The following NELL1 variants were observed in gnomAD, a reference collection of about 807,000 sequenced individuals.
NELL1 encodes protein kinase C-binding protein NELL1.
In NELL1, 76 loss-of-function variants were observed where a neutral mutation model predicts 107.4. The observed-to-expected ratio is 0.71, with a 90% CI of 0.59 to 0.86. NELL1 has a LOEUF of 0.86. NELL1 is among the 40% of genes least tolerant of loss of function. The pLI is 0.00. For synonymous variants in NELL1, 353 were observed against 341.2 expected (o/e 1.03, Z -0.38); for missense variants, 1,024 against 1,005.5 (o/e 1.02, Z -0.25).
At chr11:20,955,330 T>A (rs1312886603) in intron 11 of NELL1, among the ~76,000 whole-genome samples, 1 of 152,216 alleles carries the variant, frequency 6.6e-6, no homozygotes, top group African/African-American at 2.4e-5. Context: ...CATCTAGGCC[T>A]ATGCATCTAC....
intron 12 of NELL1, among the ~76,000 whole-genome samples, chr11:21,077,205 C>T (rs1854156922): frequency 6.6e-6 from 1 of 152,056 alleles, no homozygotes; most frequent in African/African-American, 2.4e-5. Flanking sequence ...AAAAATTCAC[C>T]TGAGTAACAT....
chr11:20,737,552 A>C (rs1363686287), intron 2 of NELL1, among the ~76,000 whole-genome samples: 2 of 152,210 alleles, frequency 1.3e-5, no homozygotes, highest in African/African-American at 4.8e-5. Context: ...AAACAGGTAG[A>C]TAATAGTAGT....
rs146227599 is a variant in NELL1, at chr11:20,827,930, A to G, written c.336-19653A>G. On this transcript the variant is annotated intron_variant, in intron 3 of 19. Coordinates refer to ENST00000357134, the MANE Select transcript of NELL1 (RefSeq NM_006157.5). ...TTAAAAATATCTTAGTCCCAAAGGG[A>G]GACTGCTAACCGCTGTTGACTCTAT... 6.2e-3 allele frequency among the ~76,000 whole-genome samples: 934 copies of G among 151,396 alleles called. 46 individuals are homozygous for G. The highest frequency in any genetic ancestry group is 8.8e-3 in the Non-Finnish European group (593 of 67,594).
intron 15 of NELL1, among the ~76,000 whole-genome samples, chr11:21,523,379 G>A (rs1272989032): frequency 6.6e-6 from 1 of 151,936 alleles, no homozygotes; most frequent in Admixed American, 6.6e-5. Context: ...TTGGGTTTGG[G>A]TCTACTATTT....
At chr11:21,545,779 C>A (rs1231185438) in intron 16 of NELL1, among the ~76,000 whole-genome samples, 1 of 151,918 alleles carries the variant, frequency 6.6e-6, no homozygotes, top group Non-Finnish European at 1.5e-5. Context: ...GAACTCAGTG[C>A]CCCTTGTAGC....
intron 12 of NELL1, among the ~76,000 whole-genome samples, chr11:21,065,427 G>A (rs1853844506): frequency 1.3e-5 from 2 of 151,864 alleles, no homozygotes; most frequent in South Asian, 2.1e-4. Context: ...GCTATAATAC[G>A]GTCTGTTTAT....
chr11:20,860,351 G>A (rs974350079), intron 4 of NELL1, among the ~76,000 whole-genome samples: 1 of 152,078 alleles, frequency 6.6e-6, no homozygotes, highest in South Asian at 2.1e-4. Context: ...CACCTAATAG[G>A]TAATCAGCAA....
At chr11:20,819,217 A>G (rs150651999) in intron 3 of NELL1, among the ~76,000 whole-genome samples, 44 of 152,322 alleles carry the variant, frequency 2.9e-4, no homozygotes, top group African/African-American at 9.9e-4. Context: ...CATGTACAGC[A>G]TTGATTCGAG....
In NELL1 at chr11:20,995,016, C is replaced by T. The variant is rs947584383; in HGVS notation, c.1300+34456C>T. Among the ~76,000 whole-genome samples the T allele has an allele frequency of 4.1e-4, 62 of 152,226 alleles. 1 individual carries two copies. Among genetic ancestry groups the T allele is most frequent in the African/African-American group, 1.3e-3 (55 of 41,530 alleles). ...TCTTCAAGTGGCAACAGGAGAGATA[C>T]CCTGGTGGAAACTTTTTTTCTCTTT... On this transcript the variant is annotated intron_variant, in intron 12 of 19. Transcript: ENST00000357134.
At chr11:21,409,080 G>C (rs530261814) in intron 15 of NELL1, among the ~76,000 whole-genome samples, 1 of 151,958 alleles carries the variant, frequency 6.6e-6, no homozygotes, top group Non-Finnish European at 1.5e-5. Flanking sequence ...CCCATTACTG[G>C]GCATATACCC....
At chr11:20,869,280 G>A (rs1326822941) in intron 4 of NELL1, among the ~76,000 whole-genome samples, 2 of 152,166 alleles carry the variant, frequency 1.3e-5, no homozygotes, top group Non-Finnish European at 2.9e-5. Flanking sequence ...ATAAAGGGAG[G>A]AGGAGAGGTT....
intron 5 of NELL1, among the ~76,000 whole-genome samples, chr11:20,905,475 C>G (rs921019014): frequency 5.9e-5 from 9 of 152,008 alleles, no homozygotes; most frequent in African/African-American, 1.9e-4. Context: ...ACTGTACAGA[C>G]TTTAAAATAA....
At chr11:20,695,831 A>C (rs549377676) in intron 2 of NELL1, among the ~76,000 whole-genome samples, 9 of 152,016 alleles carry the variant, frequency 5.9e-5, no homozygotes, top group Non-Finnish European at 1.3e-4. Flanking sequence ...ATTTTTCACA[A>C]TAGTTTCAGT....
chr11:21,268,198 G>A (rs1848672296), intron 14 of NELL1, among the ~76,000 whole-genome samples: 1 of 152,080 alleles, frequency 6.6e-6, no homozygotes, highest in South Asian at 2.1e-4. Flanking sequence ...ATTGCTTTAG[G>A]CTTATAGACT....
intron 12 of NELL1, among the ~76,000 whole-genome samples, chr11:21,077,602 G>A (rs984352865): frequency 1.3e-5 from 2 of 151,998 alleles, no homozygotes; most frequent in African/African-American, 4.8e-5. Context: ...AATTACCCTG[G>A]CGTGGTGGCA....
intron 4 of NELL1, among the ~76,000 whole-genome samples, chr11:20,849,687 T>A (rs1331516684): frequency 1.3e-5 from 2 of 152,214 alleles, no homozygotes; most frequent in Non-Finnish European, 2.9e-5. Context: ...TTGCTGCTAG[T>A]TAATGATTCG....
At chr11:20,913,946 T>C (rs1036999053) in intron 5 of NELL1, among the ~76,000 whole-genome samples, 2 of 152,074 alleles carry the variant, frequency 1.3e-5, no homozygotes, top group African/African-American at 4.8e-5. Flanking sequence ...CTAATACAAA[T>C]AGTTTTGCAT....
In NELL1 at chr11:21,314,004, C is replaced by A. The variant is rs913579604; in HGVS notation, c.1550-56849C>A. ...GAACCTACACTCTGCCCCCCCCCCC[C>A]CCCCCGCGACCCCCACTTGCTCCTG... On this transcript the variant is annotated intron_variant, in intron 14 of 19. Transcript: ENST00000357134. Among the ~76,000 whole-genome samples the A allele has an allele frequency of 1.6e-4, 18 of 114,214 alleles. No homozygotes were observed. The South Asian group carries it at 2.0e-3, about 13-fold the overall frequency. The allele number at this position is 114,214 out of a possible 152,430, so 74.9% of individuals were successfully genotyped here.
intron 5 of NELL1, among the ~76,000 whole-genome samples, chr11:20,895,238 C>G (rs1197122984): frequency 9.6e-6 from 1 of 103,880 alleles, no homozygotes; most frequent in African/African-American, 4.4e-5. Context: ...CGCCACTGCA[C>G]TCCAGCCTGG....
Sources: gnomAD v4.1 joint callset for allele counts (sites outside exome capture counted in the v4.1 genomes callset) on GRCh38, gnomAD v4.1.1 for gene constraint, MANE v1.5 for transcripts, NCBI Gene and HGNC (gene_info 2026-07-23, HGNC 2026-07-21) for gene names.